The following MYO9B variants were observed in gnomAD, a reference collection of about 807,000 sequenced individuals.
MYO9B encodes the protein unconventional myosin-IXb.
In MYO9B, 71 loss-of-function variants were observed where a neutral mutation model predicts 229.5. That is an observed-to-expected ratio of 0.31 (90% CI 0.26 to 0.38). The LOEUF is 0.38. Among genes scored for constraint, MYO9B ranks in the 10% least tolerant of loss-of-function variants. The pLI, the probability that MYO9B is intolerant of heterozygous loss-of-function variation, is 1.00. For missense variants in MYO9B, 2,255 were observed against 2,920.5 expected, an observed-to-expected ratio of 0.77 and a Z score of 5.25; for synonymous variants, 1,185 against 1,235.8, an observed-to-expected ratio of 0.96 and a Z score of 0.86.
chr19:17,195,299 C>T lies in MYO9B; in HGVS notation c.3872C>T (p.Pro1291Leu), dbSNP rs1174978518. 1.2e-6 allele frequency: 2 copies of T among 1,612,478 alleles called. No individual in the cohort carries two copies. Among genetic ancestry groups the T allele is most frequent in the African/African-American group, 2.7e-5 (2 of 74,910 alleles). Residue 1291 changes from proline (P) to leucine (L), a missense_variant, in exon 22 of 40, where the codon CCC (proline) becomes CTC (leucine). By Grantham distance (98) the Pro-to-Leu change is moderately conservative (BLOSUM62 -3). Transcript: ENST00000682292. This position sits in a 1 kb window ranked among gnomAD's most constrained non-coding sequence, Gnocchi z 4.5. ...AGGGTTCAGGAAAAGCCCGACAGCC[C>T]CGGAGGCTCCACGCAGATCCAGCGG... ...SPRVQEKPDS[P>L]GGSTQIQRYL...
In MYO9B at chr19:17,173,000, G is replaced by A. The variant is rs980937200; in HGVS notation, c.2140+37G>A. On this transcript the variant is annotated intron_variant, in intron 13 of 39. Coordinates refer to ENST00000682292, the MANE Select transcript of MYO9B (RefSeq NM_004145.4). The surrounding 1 kb of genome is among the most constrained non-coding windows in gnomAD (Gnocchi z 8.2). The stretch of plus-strand genomic sequence containing the variant: ...GGCGTGAACCCACAAAAGCGTCACT[G>A]TCGAGAGGGGGGCACATCCTGAGTT... The A allele has an allele frequency of 1.9e-6, 3 of 1,586,904 alleles. No individual in the cohort carries two copies. The highest frequency in any genetic ancestry group is 1.3e-5 in the African/African-American group (1 of 74,700).
At chr19:17,150,298 C>T (rs1275003261) in intron 3 of MYO9B, among the ~76,000 whole-genome samples, 2 of 152,022 alleles carry the variant, frequency 1.3e-5, no homozygotes, top group Non-Finnish European at 2.9e-5. Context: ...ATCCCAGCTA[C>T]TCGGGAAGCT....
chr19:17,169,448 A>G (rs1452924737), intron 11 of MYO9B, among the ~76,000 whole-genome samples: 1 of 149,970 alleles, frequency 6.7e-6, no homozygotes, highest in Middle Eastern at 3.2e-3. Flanking sequence ...GCAAAACCCC[A>G]TCTCTACTAA....
rs1163820148 is a variant in MYO9B at position 17,203,155 on chromosome 19, G to A, written c.4887G>A (p.Glu1629=). 3.2e-6 allele frequency: 5 copies of A among 1,570,538 alleles called. No individual in the cohort carries two copies. Among genetic ancestry groups the A allele is most frequent in the East Asian group, 2.4e-5 (1 of 42,172 alleles). The change falls in exon 30 of 40, where the codon GAG becomes GAA. Residue 1629 remains glutamate, a synonymous_variant. Transcript: ENST00000682292. The part of the protein sequence containing the change: ...KKRKQERAVQ[E]HNGHVFASYQ... Reference sequence around the variant, plus strand: ...TTCCTCTGGCCTCACAGGTCCAGGAGCACAACGGGCACGTGTTCGCCAGCT... The same window carrying A: ...TTCCTCTGGCCTCACAGGTCCAGGAACACAACGGGCACGTGTTCGCCAGCT...
chr19:17,205,821 G>A lies in MYO9B; in HGVS notation c.5065-139G>A, dbSNP rs377006538. 41 of 861,310 alleles carry A rather than the reference G, an allele frequency of 4.8e-5. No individual in the cohort carries two copies. In the East Asian group the frequency reaches 8.6e-4, roughly 18 times the overall value. 53.4% of individuals were successfully genotyped at this position (861,310 alleles called of 1,614,324 possible). Reference sequence around the variant, plus strand: ...GCAGCCCCACACCCCCAACAACCACGCAGAAGGAGACAGGGAGGGACAGAA... The same window carrying A: ...GCAGCCCCACACCCCCAACAACCACACAGAAGGAGACAGGGAGGGACAGAA... On this transcript the variant is annotated intron_variant, in intron 31 of 39. Coordinates refer to ENST00000682292, the MANE Select transcript of MYO9B (RefSeq NM_004145.4).
At chr19:17,106,177 G>C (rs2057791572) in intron 2 of MYO9B, among the ~76,000 whole-genome samples, 1 of 152,058 alleles carries the variant, frequency 6.6e-6, no homozygotes, top group Non-Finnish European at 1.5e-5. Context: ...TAAATTTTCT[G>C]TAGAGACACA....
rs967239561 is a variant in MYO9B at position 17,144,600 on chromosome 19, C to CA, written c.841-786dup. On this transcript the variant is annotated intron_variant, in intron 2 of 39. Coordinates refer to ENST00000682292, the MANE Select transcript of MYO9B (RefSeq NM_004145.4). ...TGACATTGTGTGACCCTGTCTCAAACAAAAAAAAAAAGAGTGAAAGAAAAT... is the reference window on the plus strand; with the variant it reads ...TGACATTGTGTGACCCTGTCTCAAACAAAAAAAAAAAAGAGTGAAAGAAAAT... Among the ~76,000 whole-genome samples, 222 of 132,216 alleles carry CA rather than the reference C, an allele frequency of 1.7e-3. 1 individual carries two copies. The highest frequency in any genetic ancestry group is 4.7e-3 in the African/African-American group (167 of 35,686). 86.7% of individuals were successfully genotyped at this position (132,216 alleles called of 152,430 possible).
intron 3 of MYO9B, among the ~76,000 whole-genome samples, chr19:17,147,013 T>C (rs1484251333): frequency 6.6e-6 from 1 of 152,224 alleles, no homozygotes; most frequent in East Asian, 1.9e-4. Context: ...GTGCCCAGGC[T>C]CCAGTAGGCA....
chr19:17,162,193 T>A (rs1218007670), intron 8 of MYO9B, among the ~76,000 whole-genome samples, 157 bp from the exon 9 acceptor site: 2 of 152,086 alleles, frequency 1.3e-5, no homozygotes, highest in African/African-American at 4.8e-5. Context: ...TAATCTCAGC[T>A]ACTTGGGAGG....
intron 2 of MYO9B, among the ~76,000 whole-genome samples, chr19:17,130,837 C>T (rs1371787274): frequency 2.0e-5 from 3 of 151,926 alleles, no homozygotes; most frequent in Non-Finnish European, 4.4e-5. Context: ...TGTCTCTTTT[C>T]ACAGATTCTC....
intron 11 of MYO9B, among the ~76,000 whole-genome samples, chr19:17,170,477 A>G (rs1175968685): frequency 3.3e-5 from 5 of 151,814 alleles, no homozygotes; most frequent in Non-Finnish European, 5.9e-5. Context: ...GGAGACAGAC[A>G]CATCCCTCTG....
intron 10 of MYO9B, among the ~76,000 whole-genome samples, chr19:17,167,010 G>T (rs770707336): frequency 6.6e-6 from 1 of 150,852 alleles, no homozygotes; most frequent in Non-Finnish European, 1.5e-5. Flanking sequence ...TGTTCCTACA[G>T]TGTGGGGATC....
At chr19:17,150,525 A>G (rs1451810063) in intron 3 of MYO9B, among the ~76,000 whole-genome samples, 3 of 152,142 alleles carry the variant, frequency 2.0e-5, no homozygotes, top group Non-Finnish European at 4.4e-5. Context: ...TGTCTCCTGC[A>G]TAACAGGATG....
chr19:17,136,371 A>C (rs944106351), intron 2 of MYO9B, among the ~76,000 whole-genome samples: 1 of 152,092 alleles, frequency 6.6e-6, no homozygotes, highest in Non-Finnish European at 1.5e-5. Context: ...AACAAAAAAC[A>C]GTTCTCCAGC....
intron 32 of MYO9B, 24 bp from the exon 33 acceptor site, chr19:17,206,224 A>AGGGGGC: frequency 6.4e-7 from 1 of 1,563,262 alleles, no homozygotes; most frequent in Non-Finnish European, 8.7e-7. Flanking sequence ...GCCGCTCACC[A>AGGGGGC]GACCCACCCC....
At chr19:17,187,032 T>C (rs2072926596) in intron 18 of MYO9B, among the ~76,000 whole-genome samples, 1 of 152,134 alleles carries the variant, frequency 6.6e-6, no homozygotes, top group South Asian at 2.1e-4. Flanking sequence ...CCAGCACCGT[T>C]TGTCTTTATA....
intron 8 of MYO9B, among the ~76,000 whole-genome samples, chr19:17,160,759 G>A (rs1174449924): frequency 6.6e-6 from 1 of 152,024 alleles, no homozygotes; most frequent in East Asian, 1.9e-4. Flanking sequence ...GAGTGCAATG[G>A]CAGGATCTCG....
At chr19:17,156,803 C>T (rs980563197) in intron 6 of MYO9B, 106 bp from the exon 7 acceptor site, 12 of 1,346,990 alleles carry the variant, frequency 8.9e-6, no homozygotes, top group East Asian at 7.1e-5. Flanking sequence ...TCATGCGTTC[C>T]GACCAGAATT....
At position 17,185,947 on chromosome 19, in the gene MYO9B, A is replaced by G. The variant is rs2072914720; in HGVS notation, c.2523A>G (p.Ala841=). ...CATCCCTTAACAAGCTCTTGGAGGC[A>G]CTGGGGAAGGCGGAGCCCTTCTTTA... ...FQTSLNKLLE[A]LGKAEPFFIR... is the part of the protein sequence containing the mutation. Residue 841 remains alanine (A), a synonymous_variant, in exon 18 of 40, where the codon GCA becomes GCG. Transcript: ENST00000682292. The G allele has an allele frequency of 1.2e-6, 2 of 1,613,974 alleles. No homozygotes were observed. Among genetic ancestry groups the G allele is most frequent in the Non-Finnish European group, 1.7e-6 (2 of 1,179,846 alleles).
Sources: gnomAD v4.1 joint callset for allele counts (sites outside exome capture counted in the v4.1 genomes callset) on GRCh38, gnomAD v4.1.1 for gene constraint, Gnocchi (gnomAD v3.1) non-coding constraint, MANE v1.5 for transcripts, NCBI Gene and HGNC (gene_info 2026-07-23, HGNC 2026-07-21) for gene names.